Variants in CPXM2 observed in about 807,000 individuals in gnomAD.
CPXM2 encodes carboxypeptidase X, M14 family member 2.
Under a neutral mutation model 86.1 loss-of-function variants are expected in CPXM2, and 66 were observed. The ratio of observed to expected loss-of-function variants is 0.77; its 90% CI spans 0.63 to 0.94. CPXM2 has a LOEUF of 0.94. CPXM2 is among the 40% of genes least tolerant of loss of function. CPXM2 has a pLI of 0.00. For missense variants in CPXM2, 948 were observed against 1,026.3 expected (o/e 0.92, Z 1.04); for synonymous variants, 388 against 400.2 (o/e 0.97, Z 0.36).
intron 9 of CPXM2, among the ~76,000 whole-genome samples, chr10:123,768,179 C>T (rs902975890): frequency 6.6e-6 from 1 of 151,958 alleles, no homozygotes; most frequent in African/African-American, 2.4e-5. Context: ...CCTTAGGTCA[C>T]GAGTTTGAGA....
intron 2 of CPXM2, among the ~76,000 whole-genome samples, chr10:123,903,862 T>C (rs1382767808): frequency 3.3e-5 from 5 of 152,354 alleles, no homozygotes; most frequent in Admixed American, 2.0e-4. Context: ...GGCGTAGCTG[T>C]AACCTGACAG....
intron 2 of CPXM2, among the ~76,000 whole-genome samples, chr10:123,931,090 G>T (rs192755149): frequency 6.6e-6 from 1 of 152,250 alleles, no homozygotes; most frequent in Admixed American, 6.5e-5. Flanking sequence ...AGTCAAGGGG[G>T]GTCTAGAAAA....
chr10:123,747,669 C>T (rs1012756126), intron 13 of CPXM2, among the ~76,000 whole-genome samples: 4 of 152,096 alleles, frequency 2.6e-5, no homozygotes, highest in Admixed American at 6.5e-5. Flanking sequence ...AACTACCAGC[C>T]GATTACCTCC....
chr10:123,833,497 G>A (rs1413868160), intron 4 of CPXM2, among the ~76,000 whole-genome samples: 5 of 152,202 alleles, frequency 3.3e-5, no homozygotes, highest in Middle Eastern at 3.2e-3. Context: ...ATAGGGCTTG[G>A]AGGTGCTCAG....
intron 7 of CPXM2, among the ~76,000 whole-genome samples, chr10:123,776,475 C>T (rs1846791931): frequency 6.6e-6 from 1 of 152,262 alleles, no homozygotes; most frequent in Non-Finnish European, 1.5e-5. Context: ...GGAAATTTTT[C>T]ATAAAGATGG....
At chr10:123,918,940 G>A (rs368022270) in intron 2 of CPXM2, among the ~76,000 whole-genome samples, 1 of 152,242 alleles carries the variant, frequency 6.6e-6, no homozygotes, top group East Asian at 1.9e-4. Context: ...CACAGGGAAG[G>A]TAAAAACCCC....
intron 4 of CPXM2, among the ~76,000 whole-genome samples, chr10:123,837,012 T>C (rs544999175): frequency 6.6e-6 from 1 of 152,346 alleles, no homozygotes; most frequent in East Asian, 1.9e-4. Flanking sequence ...ACCTGGATCT[T>C]CCGCCCAGCG....
rs994175834 is a variant in CPXM2, at chr10:123,746,032, C to A, written c.*732G>T. 2.0e-5 allele frequency: 3 copies of A among 152,150 alleles called. No individual in the cohort carries two copies. The highest frequency in any genetic ancestry group is 2.9e-5 in the Non-Finnish European group (2 of 68,050). 9.4% of individuals were successfully genotyped at this position (152,150 alleles called of 1,614,324 possible). A position where few individuals can be genotyped will look rare whatever the true frequency, so the allele number is the denominator to read the frequency against. ...CCTCTGGCTCTCCCTACCTGGGGAACCTCCAGGGCTACTGGATCAGCAGGG... is the reference window on the plus strand; with the variant it reads ...CCTCTGGCTCTCCCTACCTGGGGAAACTCCAGGGCTACTGGATCAGCAGGG... On this transcript the variant is annotated 3_prime_UTR_variant, in exon 14 of 14. Coordinates refer to ENST00000241305, the MANE Select transcript of CPXM2 (RefSeq NM_198148.3).
intron 2 of CPXM2, among the ~76,000 whole-genome samples, chr10:123,922,999 C>A (rs1945589682): frequency 6.6e-6 from 1 of 152,174 alleles, no homozygotes; most frequent in East Asian, 1.9e-4. Flanking sequence ...GCAGTCTCCA[C>A]CCTCGCCTAG....
intron 4 of CPXM2, among the ~76,000 whole-genome samples, chr10:123,802,543 C>T (rs1847483210): frequency 6.6e-6 from 1 of 152,282 alleles, no homozygotes; most frequent in South Asian, 2.1e-4. Flanking sequence ...TTTATTTATC[C>T]ATTTTATTGC....
At chr10:123,896,788 G>A (rs866410652), upstream of CPXM2, among the ~76,000 whole-genome samples, 5 of 152,186 alleles carry the variant, frequency 3.3e-5, no homozygotes, top group South Asian at 2.1e-4. Flanking sequence ...CCTGCTGAGC[G>A]GCCTTGGAGG....
In CPXM2 at chr10:123,886,542, G is replaced by A. The variant is rs182614048; in HGVS notation, c.304+4814C>T. 4.5e-4 allele frequency among the ~76,000 whole-genome samples: 69 copies of A among 152,226 alleles called. 1 individual carries two copies. Among genetic ancestry groups the A allele is most frequent in the Middle Eastern group, 3.4e-3 (1 of 294 alleles). ...TCTGAGCACAGACACACAAACAAAC[G>A]TGGCTCGCTGCCCCCTCTGCAAATT... is the stretch of plus-strand genomic sequence containing the variant. On this transcript the variant is annotated intron_variant, in intron 1 of 13. Coordinates refer to ENST00000241305, the MANE Select transcript of CPXM2 (RefSeq NM_198148.3).
At chr10:123,803,403 T>C (rs1461361365) in intron 4 of CPXM2, among the ~76,000 whole-genome samples, 1 of 152,072 alleles carries the variant, frequency 6.6e-6, no homozygotes, top group Non-Finnish European at 1.5e-5. Context: ...TGTGCCACCA[T>C]GCCCAGCCTG....
intron 2 of CPXM2, among the ~76,000 whole-genome samples, chr10:123,868,885 A>C (rs779720631): frequency 3.9e-5 from 6 of 152,222 alleles, no homozygotes; most frequent in Non-Finnish European, 7.3e-5. Context: ...TGGCAAAGTT[A>C]GAATGAGAGG....
chr10:123,782,564 C>A (rs1158464363), intron 6 of CPXM2, among the ~76,000 whole-genome samples: 2 of 152,190 alleles, frequency 1.3e-5, no homozygotes, highest in Non-Finnish European at 2.9e-5. Flanking sequence ...CCTTACTTGT[C>A]CATTTATTCT....
chr10:123,774,695 T>G (rs1050101414), intron 7 of CPXM2, among the ~76,000 whole-genome samples: 2 of 152,312 alleles, frequency 1.3e-5, no homozygotes, highest in African/African-American at 4.8e-5. Context: ...CTTCCCCTTA[T>G]GATAACTCAC....
chr10:123,916,967 GT>G (rs1193129511), intron 2 of CPXM2, among the ~76,000 whole-genome samples: 1 of 151,966 alleles, frequency 6.6e-6, no homozygotes, highest in Non-Finnish European at 1.5e-5. Flanking sequence ...GATTCCAGTT[GT>G]TTGCTGGAGG....
At chr10:123,752,511 A>C in intron 13 of CPXM2, 1 of 985,400 alleles carries the variant, frequency 1.0e-6, no homozygotes, top group South Asian at 4.7e-5. Context: ...GCCCACTGCT[A>C]GGGAGCCTGG....
chr10:123,860,519 G>A (rs542610200), intron 3 of CPXM2, among the ~76,000 whole-genome samples: 59 of 152,298 alleles, frequency 3.9e-4, no homozygotes, highest in African/African-American at 1.4e-3. Flanking sequence ...AACACATTTA[G>A]GATTAACAGG....
Sources: allele counts gnomAD v4.1 joint callset (sites outside exome capture counted in the v4.1 genomes callset), GRCh38; gene constraint gnomAD v4.1.1; transcripts MANE v1.5; gene names NCBI Gene and HGNC (gene_info 2026-07-23, HGNC 2026-07-21).